The following CCNJL variants were observed in gnomAD, a reference collection of about 807,000 sequenced individuals.
The protein encoded by CCNJL is cyclin J like.
Under a neutral mutation model 33.4 loss-of-function variants are expected in CCNJL, and 33 were observed. The observed-to-expected ratio is 0.99, with a 90% CI of 0.75 to 1.32. The LOEUF (loss-of-function observed/expected upper bound fraction) is 1.32, where lower values mean the gene tolerates loss of function less well. CCNJL is among the 40% of genes most tolerant of loss of function. CCNJL has a pLI of 0.00. For synonymous variants in CCNJL, 227 were observed against 220.9 expected, an observed-to-expected ratio of 1.03 and a Z score of -0.24; for missense variants, 512 against 499.7, an observed-to-expected ratio of 1.02 and a Z score of -0.23.
At chr5:160,298,750 T>G (rs903177513) in intron 2 of CCNJL, among the ~76,000 whole-genome samples, 14 of 152,156 alleles carry the variant, frequency 9.2e-5, no homozygotes, top group African/African-American at 3.4e-4. Context: ...TAAAGCATAT[T>G]ATAATCCCAC....
In CCNJL at chr5:160,253,465, A is replaced by G. The variant is rs748522355; in HGVS notation, c.1077T>C (p.Ala359=). Residue 359 remains alanine, a synonymous_variant, in exon 6 of 6, where the codon GCT becomes GCC. Coordinates refer to ENST00000257536, the MANE Select transcript of CCNJL (RefSeq NM_001308173.3). ...ASLSMHMAIA[A]EPRHCLATTY... ...TGGTGGCGAGGCAGTGCCTGGGCTC[A>G]GCTGCAATGGCCATATGCATGCTAA... 2 of 1,613,668 alleles carry G rather than the reference A, an allele frequency of 1.2e-6. No individual in the cohort carries two copies. Among genetic ancestry groups the G allele is most frequent in the Non-Finnish European group, 1.7e-6 (2 of 1,179,776 alleles).
chr5:160,266,338 T>TC (rs1276042880), intron 3 of CCNJL, among the ~76,000 whole-genome samples: 1 of 152,262 alleles, frequency 6.6e-6, no homozygotes, highest in Non-Finnish European at 1.5e-5. Context: ...TTTCTGATGC[T>TC]AATGCTTTTT....
chr5:160,253,439 G>A lies in CCNJL; in HGVS notation c.1103C>T (p.Thr368Ile), dbSNP rs1351639516. Residue 368 changes from threonine (T) to isoleucine (I), a missense_variant, in exon 6 of 6, where the codon ACC becomes ATC. By Grantham distance (89) the Thr-to-Ile change is moderately conservative (BLOSUM62 -1). Transcript: ENST00000257536. ...CCCACTGAAGTAGCTGCTTCCATAG[G>A]TGGTGGCGAGGCAGTGCCTGGGCTC... ...AAEPRHCLAT[T>I]YGSSYFSGSH... 1.2e-6 allele frequency: 2 copies of A among 1,610,454 alleles called. No homozygotes were observed. Among genetic ancestry groups the A allele is most frequent in the Admixed American group, 3.3e-5 (2 of 59,818 alleles).
At chr5:160,256,995 AAAC>A (rs767018359) in intron 4 of CCNJL, among the ~76,000 whole-genome samples, 40 of 152,212 alleles carry the variant, frequency 2.6e-4, no homozygotes, top group African/African-American at 9.1e-4. Context: ...TAGGGCAGCT[AAAC>A]AACAACAACA....
chr5:160,328,327 A>G (rs1350578765), intron 1 of CCNJL, among the ~76,000 whole-genome samples: 1 of 152,244 alleles, frequency 6.6e-6, no homozygotes, highest in African/African-American at 2.4e-5. Flanking sequence ...AGTGAGTTAG[A>G]GTAGGCAGTG....
intron 1 of CCNJL, among the ~76,000 whole-genome samples, chr5:160,329,077 T>C (rs73819828): frequency 0.045 from 6,773 of 151,990 alleles, 531 homozygotes; most frequent in African/African-American, 0.16. Context: ...GAATCCGACA[T>C]GGAGGTAAAG....
intron 2 of CCNJL, among the ~76,000 whole-genome samples, chr5:160,283,217 T>C (rs184569505): frequency 1.3e-5 from 2 of 151,376 alleles, no homozygotes; most frequent in Non-Finnish European, 2.9e-5. Context: ...CTTGAAAACA[T>C]TATGTTAAGT....
At chr5:160,281,175 G>C (rs367937502) in intron 2 of CCNJL, among the ~76,000 whole-genome samples, 6 of 151,880 alleles carry the variant, frequency 4.0e-5, no homozygotes, top group Admixed American at 3.9e-4. Flanking sequence ...TTTCCTCCTC[G>C]AGAGCTGAGA....
At chr5:160,264,468 T>C (rs1383120719) in intron 3 of CCNJL, among the ~76,000 whole-genome samples, 1 of 151,692 alleles carries the variant, frequency 6.6e-6, no homozygotes, top group Non-Finnish European at 1.5e-5. Context: ...CATGCATCCA[T>C]CCATGTGGCC....
intron 1 of CCNJL, among the ~76,000 whole-genome samples, chr5:160,339,099 T>C (rs1464185797): frequency 6.6e-6 from 1 of 152,042 alleles, no homozygotes; most frequent in Non-Finnish European, 1.5e-5. Flanking sequence ...AAACTACTCT[T>C]AAACCTCAAA....
At chr5:160,331,325 A>G (rs1199018314) in intron 1 of CCNJL, among the ~76,000 whole-genome samples, 1 of 147,118 alleles carries the variant, frequency 6.8e-6, no homozygotes, top group Non-Finnish European at 1.5e-5. Flanking sequence ...CCGGGTTCAC[A>G]CCATTCTCCT....
chr5:160,256,287 G>C (rs1761059053), intron 4 of CCNJL, among the ~76,000 whole-genome samples: 1 of 152,176 alleles, frequency 6.6e-6, no homozygotes, highest in African/African-American at 2.4e-5. Flanking sequence ...TCTACAAATA[G>C]AACTGCAAAA....
chr5:160,305,577 G>A (rs770007539), intron 2 of CCNJL, among the ~76,000 whole-genome samples: 2 of 152,186 alleles, frequency 1.3e-5, no homozygotes, highest in Non-Finnish European at 2.9e-5. Context: ...GTTGGAGAGC[G>A]CCAGAAAACA....
At chr5:160,335,503 C>A (rs146694177) in intron 1 of CCNJL, among the ~76,000 whole-genome samples, 4 of 152,294 alleles carry the variant, frequency 2.6e-5, no homozygotes, top group African/African-American at 9.6e-5. Context: ...TCTCTGATCT[C>A]CATCTTGCTA....
chr5:160,338,672 C>T (rs1220863007), intron 1 of CCNJL, among the ~76,000 whole-genome samples: 3 of 152,024 alleles, frequency 2.0e-5, no homozygotes, highest in African/African-American at 4.8e-5. Context: ...TAATCTTGGC[C>T]CATGAGATCT....
rs1761165426 is a variant in CCNJL, at chr5:160,258,395, T to A, written c.583+1074A>T. 16 of 817,966 alleles carry A rather than the reference T, an allele frequency of 2.0e-5. No individual in the cohort carries two copies. In the South Asian group the frequency reaches 2.2e-4, roughly 11 times the overall value. The allele number at this position is 817,966 out of a possible 1,614,324, so 50.7% of individuals were successfully genotyped here. On this transcript the variant is annotated intron_variant, in intron 4 of 5. Coordinates refer to ENST00000257536, the MANE Select transcript of CCNJL (RefSeq NM_001308173.3). ...GAGAATGAAGATGTGAAAGAAGCCA[T>A]AAGAAGGCTTCCTGAGAACCTTTAT... is the stretch of plus-strand genomic sequence containing the variant.
At chr5:160,261,993 A>G (rs1761357524) in intron 3 of CCNJL, among the ~76,000 whole-genome samples, 1 of 152,206 alleles carries the variant, frequency 6.6e-6, no homozygotes, top group South Asian at 2.1e-4. Flanking sequence ...TTTTTCTCTG[A>G]TGATCTTGTA....
chr5:160,278,440 T>C (rs190557888), intron 3 of CCNJL, among the ~76,000 whole-genome samples: 41 of 152,246 alleles, frequency 2.7e-4, no homozygotes, highest in Admixed American at 1.6e-3. Context: ...ATCCCCCTTG[T>C]GGCCCACAAT....
chr5:160,258,553 G>A (rs1310086643), intron 4 of CCNJL: 2 of 1,517,118 alleles, frequency 1.3e-6, no homozygotes, highest in Non-Finnish European at 1.8e-6. Flanking sequence ...GGTTATTCGG[G>A]AAAGAAAAGA....
Sources: allele counts gnomAD v4.1 joint callset (sites outside exome capture counted in the v4.1 genomes callset), GRCh38; gene constraint gnomAD v4.1.1; transcripts MANE v1.5; gene names NCBI Gene and HGNC (gene_info 2026-07-23, HGNC 2026-07-21).